TMC1: variants seen among roughly 807,000 people sequenced by gnomAD.
TMC1 encodes transmembrane channel like 1.
Under a neutral mutation model 105.8 loss-of-function variants are expected in TMC1, and 84 were observed. The ratio of observed to expected loss-of-function variants is 0.79; its 90% confidence interval spans 0.67 to 0.95. The LOEUF (loss-of-function observed/expected upper bound fraction) is 0.95. Ranked by LOEUF, TMC1 falls within the 40% of genes least tolerant of loss-of-function variation. The probability of loss-of-function intolerance (pLI) is 0.00; values close to 1 mark genes in which losing one functional copy is unlikely to be tolerated. For synonymous variants in TMC1, 315 were observed against 311.5 expected, an observed-to-expected ratio of 1.01 and a Z score of -0.12; for missense variants, 817 against 914.1, an observed-to-expected ratio of 0.89 and a Z score of 1.37.
chr9:72,629,062 T>G (rs1398481699), intron 4 of TMC1, among the ~76,000 whole-genome samples: 1 of 152,234 alleles, frequency 6.6e-6, no homozygotes, highest in Non-Finnish European at 1.5e-5. Context: ...TATGCCATAT[T>G]CTTTACCTAT....
chr9:72,705,690 G>A (rs1826725888), intron 8 of TMC1, among the ~76,000 whole-genome samples: 1 of 152,098 alleles, frequency 6.6e-6, no homozygotes, highest in African/African-American at 2.4e-5. Flanking sequence ...TTTGGAGAAG[G>A]GACAGTTCTA....
At chr9:72,544,660 AG>A (rs1823734246) in intron 1 of TMC1, among the ~76,000 whole-genome samples, 1 of 151,082 alleles carries the variant, frequency 6.6e-6, no homozygotes, top group African/African-American at 2.4e-5. Context: ...TTGTATTTTT[AG>A]TAGAAATGGG....
At chr9:72,562,129 T>C (rs1824064981) in intron 1 of TMC1, among the ~76,000 whole-genome samples, 1 of 152,210 alleles carries the variant, frequency 6.6e-6, no homozygotes, top group Non-Finnish European at 1.5e-5. Flanking sequence ...GTAGTTACCA[T>C]TCTGTCCACT....
At chr9:72,753,199 A>G (rs1827610714) in intron 11 of TMC1, among the ~76,000 whole-genome samples, 1 of 150,138 alleles carries the variant, frequency 6.7e-6, no homozygotes, top group Middle Eastern at 3.4e-3. Flanking sequence ...CAAAGATCAG[A>G]GGTCCTGTGT....
chr9:72,768,953 G>T (rs1827881832), intron 12 of TMC1, among the ~76,000 whole-genome samples: 2 of 152,220 alleles, frequency 1.3e-5, no homozygotes, highest in South Asian at 4.1e-4. Context: ...CCAGGGACCA[G>T]TCTAGGGTAT....
intron 1 of TMC1, among the ~76,000 whole-genome samples, chr9:72,577,001 C>T (rs1293538691): frequency 6.6e-6 from 1 of 152,012 alleles, no homozygotes; most frequent in Non-Finnish European, 1.5e-5. Flanking sequence ...GCAATATGGC[C>T]AACTGGGATT....
intron 13 of TMC1, among the ~76,000 whole-genome samples, chr9:72,785,624 G>A (rs1828157595): frequency 6.6e-6 from 1 of 152,154 alleles, no homozygotes; most frequent in South Asian, 2.1e-4. Flanking sequence ...TAGTAAGTCT[G>A]ATAACTGAGA....
At chr9:72,545,238 T>C (rs1409592260) in intron 1 of TMC1, among the ~76,000 whole-genome samples, 1 of 151,918 alleles carries the variant, frequency 6.6e-6, no homozygotes, top group Non-Finnish European at 1.5e-5. Context: ...CACTCATTGA[T>C]TGATGGGCAT....
chr9:72,718,072 A>C (rs1206506786), intron 8 of TMC1, among the ~76,000 whole-genome samples: 1 of 91,334 alleles, frequency 1.1e-5, no homozygotes, highest in Non-Finnish European at 2.1e-5. Context: ...TATTTATGCT[A>C]TCTATTTCAC....
chr9:72,737,816 T>G (rs1827324449), intron 8 of TMC1, among the ~76,000 whole-genome samples: 1 of 152,246 alleles, frequency 6.6e-6, no homozygotes, highest in African/African-American at 2.4e-5. Context: ...TTGCCATTGC[T>G]TTATTGGATA....
intron 5 of TMC1, among the ~76,000 whole-genome samples, chr9:72,676,095 A>C (rs981494691): frequency 4.6e-5 from 7 of 152,198 alleles, no homozygotes; most frequent in Admixed American, 4.6e-4. Flanking sequence ...CTAAGGCAGC[A>C]CAGCAAGTTT....
intron 5 of TMC1, among the ~76,000 whole-genome samples, chr9:72,657,679 G>T (rs996431278): frequency 1.3e-5 from 2 of 151,924 alleles, no homozygotes; most frequent in African/African-American, 4.8e-5. Context: ...TGTTATAATC[G>T]GAAAAGATAG....
intron 4 of TMC1, among the ~76,000 whole-genome samples, chr9:72,629,198 G>A (rs941129079): frequency 1.3e-5 from 2 of 152,148 alleles, no homozygotes; most frequent in Admixed American, 1.3e-4. Context: ...GAATGGCAGA[G>A]CTGGGAGTTT....
intron 23 of TMC1, among the ~76,000 whole-genome samples, chr9:72,833,306 A>G (rs1312765590): frequency 2.0e-5 from 3 of 152,174 alleles, no homozygotes; most frequent in Admixed American, 6.5e-5. Context: ...TTATTTTTAT[A>G]TATGTTTCAG....
At chr9:72,715,044 GA>G (rs771729091) in intron 8 of TMC1, among the ~76,000 whole-genome samples, 2 of 152,164 alleles carry the variant, frequency 1.3e-5, no homozygotes, top group African/African-American at 2.4e-5. Flanking sequence ...GGCTGGATAT[GA>G]AATTCTGGGT....
chr9:72,808,312 C>T (rs780842034), intron 18 of TMC1, among the ~76,000 whole-genome samples: 3 of 152,202 alleles, frequency 2.0e-5, no homozygotes, highest in South Asian at 2.1e-4. Flanking sequence ...CTGTTTCTCC[C>T]GCAAGGGGTG....
chr9:72,704,211 C>A (rs1341338095), intron 8 of TMC1, among the ~76,000 whole-genome samples: 4 of 151,658 alleles, frequency 2.6e-5, no homozygotes, highest in Non-Finnish European at 1.5e-5. Context: ...TCGCTCCTGG[C>A]TAAGTCTGTG....
chr9:72,673,868 C>T (rs1044132364), intron 5 of TMC1, among the ~76,000 whole-genome samples: 2 of 152,076 alleles, frequency 1.3e-5, no homozygotes, highest in Non-Finnish European at 2.9e-5. Context: ...TCTAATTCTG[C>T]GTAAACTTTT....
intron 2 of TMC1, among the ~76,000 whole-genome samples, chr9:72,606,998 T>G (rs1234278655): frequency 0.12 from 14,499 of 116,538 alleles, 779 homozygotes; most frequent in Non-Finnish European, 0.14. Context: ...TATATATATA[T>G]ATATAGAGAG....
Sources: allele counts gnomAD v4.1 joint callset (sites outside exome capture counted in the v4.1 genomes callset), GRCh38; gene constraint gnomAD v4.1.1; transcripts MANE v1.5; gene names NCBI Gene and HGNC (gene_info 2026-07-23, HGNC 2026-07-21).